MAPK3: variants seen among roughly 807,000 people sequenced by gnomAD.
The protein encoded by MAPK3 is mitogen-activated protein kinase 3.
In MAPK3, 30 loss-of-function variants were observed where a neutral mutation model predicts 41.8. The ratio of observed to expected loss-of-function variants is 0.72; its 90% confidence interval spans 0.54 to 0.97. The LOEUF is 0.97. MAPK3 is among the 50% of genes least tolerant of loss of function. The pLI, the probability that MAPK3 is intolerant of heterozygous loss-of-function variation, is 0.00. For synonymous variants in MAPK3, 222 were observed against 213.4 expected (o/e 1.04, Z -0.35); for missense variants, 413 against 509.9 (o/e 0.81, Z 1.83).
At position 30,116,672 on chromosome 16, in the gene MAPK3, G is replaced by A; in HGVS notation, c.1136C>T (p.Pro379Leu). The change falls in exon 8 of 9, where the codon CCC becomes CTC. Residue 379 changes from proline to leucine, a missense_variant. Pro to Leu is a moderately conservative substitution (Grantham distance 98). Coordinates refer to ENST00000263025, the MANE Select transcript of MAPK3 (RefSeq NM_002746.3). ...GTGCAGAGATGTCTGTCTGGGCTAG[G>A]GGGCCTCCAGCACTCCGGGCTGGAA... Reference protein sequence around the residue: ...ARFQPGVLEAP With the variant: ...ARFQPGVLEAL The A allele has an allele frequency of 6.2e-7, 1 of 1,613,270 alleles. No homozygotes were observed. The highest frequency in any genetic ancestry group is 8.5e-7 in the Non-Finnish European group (1 of 1,179,962).
At chr16:30,122,665 C>T (rs989473275) in intron 1 of MAPK3, 15 of 187,428 alleles carry the variant, frequency 8.0e-5, no homozygotes, top group African/African-American at 2.3e-5. Flanking sequence ...CCAAGACACC[C>T]TTTCCCCCAA....
At chr16:30,114,952 TCTC>T (rs1362978004) in intron 8 of MAPK3, among the ~76,000 whole-genome samples, 1 of 152,014 alleles carries the variant, frequency 6.6e-6, no homozygotes, top group African/African-American at 2.4e-5. Context: ...ATTAGAACTG[TCTC>T]GGCCGGGCAC....
At position 30,123,168 on chromosome 16, in the gene MAPK3, G is replaced by A. The variant is rs373443143; in HGVS notation, c.42C>T (p.Pro14=). The A allele has an allele frequency of 2.1e-6, 3 of 1,430,120 alleles. No individual in the cohort carries two copies. The highest frequency in any genetic ancestry group is 3.0e-5 in the African/African-American group (2 of 67,338). 88.6% of individuals were successfully genotyped at this position (1,430,120 alleles called of 1,614,324 possible). A position where few individuals can be genotyped will look rare whatever the true frequency, so the allele number is the denominator to read the frequency against. The change falls in exon 1 of 9, where the codon CCC becomes CCT. Residue 14 remains proline, a synonymous_variant. Transcript: ENST00000263025. ...CCGGGCCGACCCCCTCGGTTCTACG[G>A]GGCTCCCCGCCCCCGCCCCCCTGAG... The part of the protein sequence containing the change: ...AAAQGGGGGE[P]RRTEGVGPGV...
At position 30,121,755 on chromosome 16, in the gene MAPK3, C is replaced by T. The variant is rs1043072601; in HGVS notation, c.353+69G>A. On this transcript the variant is annotated intron_variant, in intron 2 of 8. Transcript: ENST00000263025. The stretch of plus-strand genomic sequence containing the variant: ...TGGTGGGTAAGATGGAAACAGAAAC[C>T]AAGCAACGGGTCCCCAGCCCAGCTG... 9 of 1,504,868 alleles carry T rather than the reference C, an allele frequency of 6.0e-6. No individual in the cohort carries two copies. In the South Asian group the frequency reaches 7.4e-5, roughly 12 times the overall value. The allele number at this position is 1,504,868 out of a possible 1,614,324, so 93.2% of individuals were successfully genotyped here.
intron 7 of MAPK3, 41 bp downstream of exon 7, chr16:30,116,853 T>C (rs865926063): frequency 1.2e-6 from 2 of 1,613,216 alleles, no homozygotes; most frequent in East Asian, 4.5e-5. Flanking sequence ...GCCCCCCTGC[T>C]CCCCTGCCCC....
At chr16:30,119,156 T>TA (rs35666305) in intron 2 of MAPK3, among the ~76,000 whole-genome samples, 49,667 of 135,856 alleles carry the variant, frequency 0.37, 9,098 homozygotes, top group East Asian at 0.65. Context: ...ATAAATAAAT[T>TA]AAAAAAAAAA....
chr16:30,116,536 G>C, intron 8 of MAPK3, 100 bp downstream of exon 8: 1 of 1,302,016 alleles, frequency 7.7e-7, no homozygotes, highest in Non-Finnish European at 1.1e-6. Context: ...GGGTAAGCTT[G>C]CTGCTGTATG....
At chr16:30,121,729 G>C in intron 2 of MAPK3, 95 bp downstream of exon 2, 1 of 1,284,266 alleles carries the variant, frequency 7.8e-7, no homozygotes, top group Non-Finnish European at 1.1e-6. Flanking sequence ...GTTTTGGAGG[G>C]TGGTGGGTAA....
rs1472345530 is a variant in MAPK3 at position 30,118,375 on chromosome 16, G to C, written c.517C>G (p.Leu173Val). 1 of 1,613,122 alleles carries C rather than the reference G, an allele frequency of 6.2e-7. No homozygotes were observed. Among genetic ancestry groups the C allele is most frequent in the Non-Finnish European group, 8.5e-7 (1 of 1,179,350 alleles). The change falls in exon 3 of 9, where the codon CTC becomes GTC. Residue 173 changes from leucine (L) to valine (V), a missense_variant. Physicochemically the swap from Leu to Val is conservative, Grantham distance 32. This residue lies in a region of MAPK3 where 140 missense variants were observed against 206.0 expected (regional missense o/e 0.68). Coordinates refer to ENST00000263025, the MANE Select transcript of MAPK3 (RefSeq NM_002746.3). ...TTAAGGTCGCAGGTGGTGTTGATGA[G>C]CAGGTTGGAGGGCTTTAGATCTCGG... ...LHRDLKPSNL[L>V]INTTCDLKIC...
Position 30,117,018 on chromosome 16 carries a change from G to C in MAPK3, c.908-15C>G, listed in dbSNP as rs1332334054. 3.8e-6 allele frequency: 6 copies of C among 1,594,764 alleles called. No homozygotes were observed. Among genetic ancestry groups the C allele is most frequent in the Non-Finnish European group, 4.3e-6 (5 of 1,168,098 alleles). On this transcript the variant is annotated splice_polypyrimidine_tract_variant and intron_variant, in intron 6 of 8. Coordinates refer to ENST00000263025, the MANE Select transcript of MAPK3 (RefSeq NM_002746.3). ...CAGGTCAAGGGCTATGGAAGGGCAG[G>C]AGTCAGGGGTCACAGGGAAGACTGG...
In MAPK3 at chr16:30,116,809, C is replaced by G. The variant is rs2151044706; in HGVS notation, c.1018-19G>C. On this transcript the variant is annotated intron_variant, in intron 7 of 8. Transcript: ENST00000263025. The stretch of plus-strand genomic sequence containing the variant: ...CCACTGGCTGGGGTGGTAGAGACAG[C>G]AAGGCTCAGGCCTGGCATGGGGGAT... The G allele has an allele frequency of 6.2e-7, 1 of 1,613,720 alleles. No individual in the cohort carries two copies. The highest frequency in any genetic ancestry group is 8.5e-7 in the Non-Finnish European group (1 of 1,179,930).
chr16:30,122,161 G>C (rs922701611), intron 1 of MAPK3, 155 bp from the exon 2 acceptor site: 1 of 704,354 alleles, frequency 1.4e-6, no homozygotes, highest in Non-Finnish European at 2.4e-6. Context: ...GTGGAGGCCT[G>C]GGATCTCCAG....
At chr16:30,119,004 C>T (rs2072988783) in intron 2 of MAPK3, among the ~76,000 whole-genome samples, 1 of 152,086 alleles carries the variant, frequency 6.6e-6, no homozygotes, top group East Asian at 1.9e-4. Context: ...TAACTGGGCA[C>T]GGCGGCATGT....
intron 2 of MAPK3, 41 bp downstream of exon 2, chr16:30,121,783 A>C: frequency 6.3e-7 from 1 of 1,592,856 alleles, no homozygotes; most frequent in South Asian, 1.1e-5. Context: ...CCCAGCTGCG[A>C]GGCCGTGCCT....
chr16:30,119,156 TAA>T (rs35666305), intron 2 of MAPK3, among the ~76,000 whole-genome samples: 1 of 136,186 alleles, frequency 7.3e-6, no homozygotes, highest in African/African-American at 2.7e-5. Flanking sequence ...ATAAATAAAT[TAA>T]AAAAAAAAAA....
chr16:30,122,079 G>T, intron 1 of MAPK3, 73 bp from the exon 2 acceptor site: 1 of 1,462,684 alleles, frequency 6.8e-7, no homozygotes, highest in Non-Finnish European at 9.5e-7. Flanking sequence ...CCCCACCCAG[G>T]CCTTGGCAGG....
rs757002618 is a variant in MAPK3, at chr16:30,116,704, T to C, written c.1104A>G (p.Thr368=). Residue 368 remains threonine (T), a synonymous_variant, in exon 8 of 9, where the codon ACA becomes ACG. Transcript: ENST00000263025. The part of the protein sequence containing the change: ...ERLKELIFQE[T]ARFQPGVLEA... ...CCAGCACTCCGGGCTGGAAGCGTGC[T>C]GTCTCCTGGAAGATGAGCTCCTTCA... The C allele has an allele frequency of 4.3e-6, 7 of 1,613,872 alleles. No individual in the cohort carries two copies. In the Admixed American group the frequency reaches 1.0e-4, roughly 23 times the overall value.
At chr16:30,116,317 G>C (rs1396267525) in intron 8 of MAPK3, among the ~76,000 whole-genome samples, 1 of 152,044 alleles carries the variant, frequency 6.6e-6, no homozygotes, top group Non-Finnish European at 1.5e-5. Context: ...GGGATTACCA[G>C]AGTGACCCAC....
Position 30,117,299 on chromosome 16 carries a change from G to A in MAPK3, c.776-14C>T, listed in dbSNP as rs777627430. 35 of 1,613,352 alleles carry A rather than the reference G, an allele frequency of 2.2e-5. No homozygotes were observed. The Admixed American group carries it at 2.2e-4, about 10-fold the overall frequency. ...AGCCCAGGATGCCTGTGGATAAGGA[G>A]GTGACTTGGTAAATGATCACCTCTT... is the stretch of plus-strand genomic sequence containing the variant. On this transcript the variant is annotated splice_polypyrimidine_tract_variant and intron_variant, in intron 5 of 8. Transcript: ENST00000263025.
Sources: allele counts gnomAD v4.1 joint callset (sites outside exome capture counted in the v4.1 genomes callset), GRCh38; gene constraint gnomAD v4.1.1; regional missense constraint gnomAD v4.1.1; transcripts MANE v1.5; gene names NCBI Gene and HGNC (gene_info 2026-07-23, HGNC 2026-07-21).